UNC13C: variants seen among roughly 807,000 people sequenced by gnomAD.
The protein encoded by UNC13C is unc-13 homolog C.
In UNC13C, 174 loss-of-function variants were observed where a neutral mutation model predicts 245.4. The observed-to-expected ratio is 0.71, with a 90% CI of 0.63 to 0.80. UNC13C has a LOEUF of 0.80. Ranked by LOEUF, UNC13C falls within the 30% of genes least tolerant of loss-of-function variation. The pLI is 0.00. For missense variants in UNC13C, 2,829 were observed against 2,602.9 expected (o/e 1.09, Z -1.89); for synonymous variants, 992 against 895.1 (o/e 1.11, Z -1.93).
chr15:54,515,271 C>G (rs1284234863), intron 24 of UNC13C, among the ~76,000 whole-genome samples: 1 of 152,154 alleles, frequency 6.6e-6, no homozygotes, highest in Non-Finnish European at 1.5e-5. Context: ...ATTTGCACTA[C>G]AATCCCCATA....
At chr15:53,900,501 T>G in the UNC13C span, among the ~76,000 whole-genome samples, 1 of 152,162 alleles carries the variant, frequency 6.6e-6, no homozygotes, top group Non-Finnish European at 1.5e-5. Context: ...GCAAGAGTAA[T>G]GACAAATAGC....
chr15:54,397,899 T>A (rs541642529), intron 18 of UNC13C, among the ~76,000 whole-genome samples: 19 of 151,502 alleles, frequency 1.3e-4, no homozygotes, highest in Non-Finnish European at 2.4e-4. Context: ...TTGTCTAAAA[T>A]AAATATGGTT....
intron 10 of UNC13C, among the ~76,000 whole-genome samples, chr15:54,273,027 T>C (rs1462994078): frequency 6.6e-6 from 1 of 152,120 alleles, no homozygotes; most frequent in African/African-American, 2.4e-5. Flanking sequence ...AAATAAAATC[T>C]CCCAGATCTT....
intron 4 of UNC13C, among the ~76,000 whole-genome samples, chr15:54,203,934 A>G (rs968182735): frequency 7.3e-5 from 10 of 137,336 alleles, no homozygotes; most frequent in South Asian, 2.2e-4. Flanking sequence ...GTGTATATAT[A>G]CACACACACA....
At chr15:54,160,398 T>C (rs1175551159) in intron 4 of UNC13C, among the ~76,000 whole-genome samples, 1 of 149,688 alleles carries the variant, frequency 6.7e-6, no homozygotes, top group Admixed American at 6.7e-5. Flanking sequence ...GCATACTAGA[T>C]TCATTTATAT....
intron 17 of UNC13C, among the ~76,000 whole-genome samples, chr15:54,349,466 C>G (rs970080632): frequency 6.6e-6 from 1 of 151,746 alleles, no homozygotes; most frequent in East Asian, 1.9e-4. Flanking sequence ...AATTTTGATT[C>G]TAAAACTGAA....
At chr15:54,238,076 G>GTTTTTTTTTT (rs10645906) in intron 7 of UNC13C, among the ~76,000 whole-genome samples, 5 of 115,836 alleles carry the variant, frequency 4.3e-5, no homozygotes, top group East Asian at 2.7e-4. Flanking sequence ...ACTTTTATAG[G>GTTTTTTTTTT]TTTTTTTTTT....
At chr15:54,078,770 G>T (rs965300871) in intron 2 of UNC13C, among the ~76,000 whole-genome samples, 31 of 151,818 alleles carry the variant, frequency 2.0e-4, no homozygotes, top group African/African-American at 7.5e-4. Context: ...CTATTCTGTA[G>T]GCTGCTTCCT....
At chr15:53,865,726 A>G in the UNC13C span, among the ~76,000 whole-genome samples, 1 of 152,180 alleles carries the variant, frequency 6.6e-6, no homozygotes, top group Non-Finnish European at 1.5e-5. Context: ...ATCAATAAAA[A>G]TCTATTTAAA....
chr15:54,564,079 G>A (rs1481587690), intron 29 of UNC13C, among the ~76,000 whole-genome samples: 1 of 151,946 alleles, frequency 6.6e-6, no homozygotes, highest in Non-Finnish European at 1.5e-5. Context: ...TTGAAGTGAG[G>A]AGCCTATGGC....
chr15:53,996,367 A>G (rs1894634432), intron 1 of UNC13C, among the ~76,000 whole-genome samples: 1 of 152,308 alleles, frequency 6.6e-6, no homozygotes, highest in African/African-American at 2.4e-5. Flanking sequence ...TTTGCGGTAA[A>G]GATTAATGTC....
chr15:53,874,460 A>G, the UNC13C span, among the ~76,000 whole-genome samples: 1 of 152,202 alleles, frequency 6.6e-6, no homozygotes. Context: ...TCTATGACAT[A>G]TCTCTCCAAA....
intron 17 of UNC13C, among the ~76,000 whole-genome samples, chr15:54,345,757 A>G: frequency 6.6e-6 from 1 of 152,140 alleles, no homozygotes; most frequent in East Asian, 1.9e-4. Context: ...ACTCTGGACC[A>G]GCTCCCCATT....
chr15:54,061,272 T>A (rs550105424), intron 2 of UNC13C, among the ~76,000 whole-genome samples: 2 of 152,016 alleles, frequency 1.3e-5, no homozygotes, highest in Non-Finnish European at 2.9e-5. Flanking sequence ...GACTAGGAAG[T>A]CTAGTCCAGT....
At chr15:54,364,656 T>C (rs769549690) in intron 17 of UNC13C, among the ~76,000 whole-genome samples, 3 of 152,174 alleles carry the variant, frequency 2.0e-5, no homozygotes, top group Non-Finnish European at 4.4e-5. Context: ...CAAATCTAAA[T>C]AAGACATCCA....
intron 2 of UNC13C, among the ~76,000 whole-genome samples, chr15:54,056,587 T>C (rs1178240490): frequency 2.0e-5 from 3 of 152,074 alleles, no homozygotes; most frequent in African/African-American, 4.8e-5. Flanking sequence ...AGGCCAACAT[T>C]CAAATTCAGG....
Position 54,549,628 on chromosome 15 carries a change from T to C in UNC13C, c.5821-7T>C. On this transcript the variant is annotated splice_polypyrimidine_tract_variant and splice_region_variant and intron_variant, in intron 27 of 32. Transcript: ENST00000260323. ...TGAGTCTTCTCTCACTTTTTCTTTGTTTCTAGGGACCCCAGATGATTTTCA... is the reference window on the plus strand; with the variant it reads ...TGAGTCTTCTCTCACTTTTTCTTTGCTTCTAGGGACCCCAGATGATTTTCA... The C allele has an allele frequency of 1.2e-6, 2 of 1,600,334 alleles. No individual in the cohort carries two copies. Among genetic ancestry groups the C allele is most frequent in the South Asian group, 2.3e-5 (2 of 88,814 alleles).
intron 30 of UNC13C, among the ~76,000 whole-genome samples, chr15:54,583,041 G>T (rs929467727): frequency 1.4e-4 from 21 of 152,078 alleles, no homozygotes; most frequent in African/African-American, 5.1e-4. Flanking sequence ...TATTCAGTGG[G>T]TCTGGGTGGG....
chr15:53,901,478 G>A, the UNC13C span, among the ~76,000 whole-genome samples: 13 of 151,510 alleles, frequency 8.6e-5, no homozygotes, highest in South Asian at 2.1e-4. Flanking sequence ...TGCCTGCCTC[G>A]GCCTCCCAAA....
Sources: gnomAD v4.1 joint callset for allele counts (sites outside exome capture counted in the v4.1 genomes callset) on GRCh38, gnomAD v4.1.1 for gene constraint, MANE v1.5 for transcripts, NCBI Gene and HGNC (gene_info 2026-07-23, HGNC 2026-07-21) for gene names.